GTF3C3: variants seen among roughly 807,000 people sequenced by gnomAD.
The protein encoded by GTF3C3 is general transcription factor IIIC subunit 3, also known as general transcription factor 3C polypeptide 3.
A neutral mutation model predicts 105.2 loss-of-function variants in GTF3C3; 75 were observed. The ratio of observed to expected loss-of-function variants is 0.71; its 90% CI spans 0.59 to 0.86. The LOEUF (loss-of-function observed/expected upper bound fraction) is 0.86, where lower values mean the gene tolerates loss of function less well. Among genes scored for constraint, GTF3C3 ranks in the 40% least tolerant of loss-of-function variants. The probability of loss-of-function intolerance (pLI) is 0.00; values close to 1 mark genes in which losing one functional copy is unlikely to be tolerated. For synonymous variants in GTF3C3, 335 were observed against 370.4 expected, an observed-to-expected ratio of 0.90 and a Z score of 1.10; for missense variants, 856 against 1,076.5, an observed-to-expected ratio of 0.80 and a Z score of 2.87.
rs191411807 is a variant in GTF3C3, at chr2:196,776,228, T to C, written c.1594-117A>G. On this transcript the variant is annotated intron_variant, in intron 11 of 17. Transcript: ENST00000263956. This position sits in a 1 kb window ranked among gnomAD's most constrained non-coding sequence, Gnocchi z 4.5. ...CATATTGCTTTATGGTCTTTCACAA[T>C]AATTAAGAGCCAATATTTTAAAACT... The C allele has an allele frequency of 3.3e-3, 2,284 of 699,146 alleles. 6 individuals are homozygous for C. The highest frequency in any genetic ancestry group is 5.1e-3 in the Non-Finnish European group (2,102 of 413,524). 43.3% of individuals were successfully genotyped at this position (699,146 alleles called of 1,614,324 possible). A position where few individuals can be genotyped will look rare whatever the true frequency, so the allele number is the denominator to read the frequency against.
At chr2:196,790,772 T>C (rs531675704) in intron 4 of GTF3C3, among the ~76,000 whole-genome samples, 36 of 152,172 alleles carry the variant, frequency 2.4e-4, no homozygotes, top group Non-Finnish European at 4.4e-4. Context: ...CAAAAAGAAA[T>C]GCCAAACTAT....
Position 196,776,009 on chromosome 2 carries a change from C to A in GTF3C3, c.1695+1G>T, listed in dbSNP as rs757103946. On this transcript the variant is annotated splice_donor_variant, in intron 12 of 17. Coordinates refer to ENST00000263956, the MANE Select transcript of GTF3C3 (RefSeq NM_012086.5). LOFTEE classifies it high-confidence loss of function. The surrounding 1 kb of genome is among the most constrained non-coding windows in gnomAD (Gnocchi z 4.5). ...TAACATAAAGAAAGATCATTACCCA[C>A]CTTTAAAAGCATGGCTAACATAGTA... 2 of 1,470,100 alleles carry A rather than the reference C, an allele frequency of 1.4e-6. No homozygotes were observed. The highest frequency in any genetic ancestry group is 1.9e-6 in the Non-Finnish European group (2 of 1,070,446). 91.1% of individuals were successfully genotyped at this position (1,470,100 alleles called of 1,614,324 possible). A position where few individuals can be genotyped will look rare whatever the true frequency, so the allele number is the denominator to read the frequency against.
intron 4 of GTF3C3, among the ~76,000 whole-genome samples, chr2:196,790,770 A>G (rs144662143): frequency 2.2e-4 from 34 of 152,312 alleles, no homozygotes; most frequent in Non-Finnish European, 4.0e-4. Context: ...ACCAAAAAGA[A>G]ATGCCAAACT....
intron 10 of GTF3C3, chr2:196,777,590 A>G (rs1237334886): frequency 6.6e-6 from 1 of 152,234 alleles, no homozygotes; most frequent in Non-Finnish European, 1.5e-5. Context: ...TTTTGATAAT[A>G]AAGGAAGAAC....
chr2:196,791,747 C>G, intron 3 of GTF3C3: 1 of 265,558 alleles, frequency 3.8e-6, no homozygotes, highest in Non-Finnish European at 7.3e-6. Flanking sequence ...ACCAGCCTGG[C>G]CAACAGAGTG....
rs1192217788 is a variant in GTF3C3, at chr2:196,781,406, C to G, written c.1115-744G>C. ...TATATATAAAATTAAATAATACAAACTTAAGAAGCAATACAGTTTAACAGC... is the reference window on the plus strand; with the variant it reads ...TATATATAAAATTAAATAATACAAAGTTAAGAAGCAATACAGTTTAACAGC... On this transcript the variant is annotated intron_variant, in intron 8 of 17. Coordinates refer to ENST00000263956, the MANE Select transcript of GTF3C3 (RefSeq NM_012086.5). Among the ~76,000 whole-genome samples the G allele has an allele frequency of 4.5e-5, 4 of 88,250 alleles. No individual in the cohort carries two copies. In the South Asian group the frequency reaches 1.6e-3, roughly 36 times the overall value. 57.9% of individuals were successfully genotyped at this position (88,250 alleles called of 152,430 possible).
chr2:196,780,477 C>A lies in GTF3C3; in HGVS notation c.1218+82G>T. 4.8e-6 allele frequency: 7 copies of A among 1,462,444 alleles called. No homozygotes were observed. The South Asian group carries it at 9.5e-5, about 20-fold the overall frequency. 90.6% of individuals were successfully genotyped at this position (1,462,444 alleles called of 1,614,324 possible). On this transcript the variant is annotated intron_variant, in intron 9 of 17. Coordinates refer to ENST00000263956, the MANE Select transcript of GTF3C3 (RefSeq NM_012086.5). Reference sequence around the variant, plus strand: ...ATTAAGAAATGTGAAACTCTAGGGTCAAGTTATAATTTCTTGACATCTAAA... The same window carrying A: ...ATTAAGAAATGTGAAACTCTAGGGTAAAGTTATAATTTCTTGACATCTAAA...
In GTF3C3 at chr2:196,763,374, C is replaced by A. The variant is rs1699003498; in HGVS notation, c.*1189G>T. ...TTCCACAGAATTCCAACACACAAGT[C>A]TAACTTATTACTGTATCTCAGTTAC... On this transcript the variant is annotated 3_prime_UTR_variant, in exon 18 of 18. Transcript: ENST00000263956. The A allele has an allele frequency of 6.6e-6, 1 of 152,160 alleles. No homozygotes were observed. The highest frequency in any genetic ancestry group is 6.5e-5 in the Admixed American group (1 of 15,280). 9.4% of individuals were successfully genotyped at this position (152,160 alleles called of 1,614,324 possible).
In GTF3C3 at chr2:196,764,357, T is replaced by G; in HGVS notation, c.*206A>C. Reference sequence around the variant, plus strand: ...TTCACTATAGAATGTGAAAGGAAAATGACAGACCAATATACAAATTTTTGT... The same window carrying G: ...TTCACTATAGAATGTGAAAGGAAAAGGACAGACCAATATACAAATTTTTGT... On this transcript the variant is annotated 3_prime_UTR_variant, in exon 18 of 18. Transcript: ENST00000263956. 2.3e-6 allele frequency: 1 copy of G among 439,694 alleles called. No homozygotes were observed. The highest frequency in any genetic ancestry group is 3.6e-5 in the East Asian group (1 of 28,034). The allele number at this position is 439,694 out of a possible 1,614,324, so 27.2% of individuals were successfully genotyped here.
At chr2:196,765,480 G>A (rs1699044591) in intron 17 of GTF3C3, among the ~76,000 whole-genome samples, 1 of 151,498 alleles carries the variant, frequency 6.6e-6, no homozygotes, top group African/African-American at 2.4e-5. Flanking sequence ...AGTATTAAAT[G>A]CAAAGATTAA....
chr2:196,766,009 C>CA (rs1253646402), intron 17 of GTF3C3, among the ~76,000 whole-genome samples: 25 of 36,062 alleles, frequency 6.9e-4, no homozygotes, highest in South Asian at 1.8e-3. Flanking sequence ...GACTCTGTCT[C>CA]CAAAAAAAAA....
intron 17 of GTF3C3, 129 bp downstream of exon 17, chr2:196,766,436 C>A: frequency 1.5e-6 from 1 of 676,568 alleles, no homozygotes; most frequent in Non-Finnish European, 2.4e-6. Context: ...AACATAATTA[C>A]GTAAACATAC....
chr2:196,781,183 G>A (rs1373458428), intron 8 of GTF3C3, among the ~76,000 whole-genome samples: 1 of 150,256 alleles, frequency 6.7e-6, no homozygotes, highest in Non-Finnish European at 1.5e-5. Flanking sequence ...AAGTATAGAG[G>A]ACATCACAGA....
Position 196,764,475 on chromosome 2 carries a change from T to C in GTF3C3, c.*88A>G. 1 of 1,161,060 alleles carries C rather than the reference T, an allele frequency of 8.6e-7. No homozygotes were observed. The highest frequency in any genetic ancestry group is 2.1e-5 in the South Asian group (1 of 47,826). The allele number at this position is 1,161,060 out of a possible 1,614,324, so 71.9% of individuals were successfully genotyped here. ...GGTAATTCTGAAATTGTCATTTCTA[T>C]TTTGGAGTTACAAATAATAAGCCCT... On this transcript the variant is annotated 3_prime_UTR_variant, in exon 18 of 18. Transcript: ENST00000263956.
rs1294126375 is a variant in GTF3C3, at chr2:196,776,634, G to T, written c.1391-5C>A. Reference sequence around the variant, plus strand: ...AGCCTAAGGCCTTTAAACATTCTAAGATGATGTTAAAATAAAGCAAAAGTA... The same window carrying T: ...AGCCTAAGGCCTTTAAACATTCTAATATGATGTTAAAATAAAGCAAAAGTA... On this transcript the variant is annotated splice_polypyrimidine_tract_variant and splice_region_variant and intron_variant, in intron 10 of 17. Transcript: ENST00000263956. This position sits in a 1 kb window ranked among gnomAD's most constrained non-coding sequence, Gnocchi z 4.5. 1.3e-6 allele frequency: 2 copies of T among 1,597,894 alleles called. No individual in the cohort carries two copies. Among genetic ancestry groups the T allele is most frequent in the Non-Finnish European group, 1.7e-6 (2 of 1,166,830 alleles).
In GTF3C3 at chr2:196,764,820, T is replaced by A. The variant is rs557510869; in HGVS notation, c.2539-135A>T. The A allele has an allele frequency of 8.1e-5, 50 of 621,060 alleles. No individual in the cohort carries two copies. The African/African-American group carries it at 8.9e-4, about 11-fold the overall frequency. 38.5% of individuals were successfully genotyped at this position (621,060 alleles called of 1,614,324 possible). On this transcript the variant is annotated intron_variant, in intron 17 of 17. Transcript: ENST00000263956. Reference sequence around the variant, plus strand: ...AAGCTCATGTACTAAAAAAAAATTATAAAACTATGCATATACCTTGGATCA... The same window carrying A: ...AAGCTCATGTACTAAAAAAAAATTAAAAAACTATGCATATACCTTGGATCA...
At chr2:196,779,116 ACATCT>A in intron 9 of GTF3C3, 49 bp from the exon 10 acceptor site, 1 of 1,439,742 alleles carries the variant, frequency 6.9e-7, no homozygotes, top group Non-Finnish European at 9.6e-7. Flanking sequence ...ACAAACGTGC[ACATCT>A]ATCTATAGCT....
intron 10 of GTF3C3, chr2:196,778,036 GCT>G (rs1275960584): frequency 3.3e-5 from 5 of 152,118 alleles, no homozygotes; most frequent in Non-Finnish European, 5.9e-5. Flanking sequence ...ATCATTAAGT[GCT>G]CTCTTTCCTA....
chr2:196,788,238 A>C (rs1226097682), intron 6 of GTF3C3, among the ~76,000 whole-genome samples: 1 of 152,244 alleles, frequency 6.6e-6, no homozygotes, highest in African/African-American at 2.4e-5. Context: ...TTTCACAGCT[A>C]AGCATCATTG....
Sources: gnomAD v4.1 joint callset for allele counts (sites outside exome capture counted in the v4.1 genomes callset) on GRCh38, gnomAD v4.1.1 for gene constraint, Gnocchi (gnomAD v3.1) non-coding constraint, MANE v1.5 for transcripts, NCBI Gene and HGNC (gene_info 2026-07-23, HGNC 2026-07-21) for gene names.